The following LINGO2 variants were observed in gnomAD, a reference collection of about 807,000 sequenced individuals.
The protein encoded by LINGO2 is leucine rich repeat and Ig domain containing 2.
Under a neutral mutation model 30.6 loss-of-function variants are expected in LINGO2, and 14 were observed. The ratio of observed to expected loss-of-function variants is 0.46; its 90% CI spans 0.30 to 0.72. The LOEUF (loss-of-function observed/expected upper bound fraction) is 0.72, where lower values mean the gene tolerates loss of function less well. Ranked by LOEUF, LINGO2 falls within the 30% of genes least tolerant of loss-of-function variation. The pLI, the probability that LINGO2 is intolerant of heterozygous loss-of-function variation, is 0.07. For missense variants in LINGO2, 729 were observed against 751.7 expected (o/e 0.97, Z 0.35); for synonymous variants, 317 against 288.5 (o/e 1.10, Z -1.00).
At chr9:28,791,416 T>C in the LINGO2 span, among the ~76,000 whole-genome samples, 1 of 152,122 alleles carries the variant, frequency 6.6e-6, no homozygotes, top group African/African-American at 2.4e-5. Context: ...TACTGTGATT[T>C]AGACTATGTA....
chr9:28,834,021 CT>C, the LINGO2 span, among the ~76,000 whole-genome samples: 16,571 of 143,430 alleles, frequency 0.12, 984 homozygotes, highest in African/African-American at 0.17. Flanking sequence ...TTTCTTGTTT[CT>C]TTTTTTTTTT....
intron 1 of LINGO2, among the ~76,000 whole-genome samples, chr9:28,598,236 C>T (rs947165613): frequency 6.6e-6 from 1 of 151,978 alleles, no homozygotes; most frequent in Non-Finnish European, 1.5e-5. Flanking sequence ...GAAACAAATA[C>T]TAACAACATC....
At chr9:28,666,846 T>C (rs1828821036) in intron 1 of LINGO2, among the ~76,000 whole-genome samples, 1 of 152,186 alleles carries the variant, frequency 6.6e-6, no homozygotes, top group African/African-American at 2.4e-5. Flanking sequence ...CTAATGCATG[T>C]TTAAGCACAG....
At chr9:27,967,581 T>C (rs1400183044) in intron 5 of LINGO2, among the ~76,000 whole-genome samples, 1 of 152,166 alleles carries the variant, frequency 6.6e-6, no homozygotes, top group African/African-American at 2.4e-5. Flanking sequence ...CCTAGATTTA[T>C]GCTTCTATTT....
chr9:28,939,756 T>G, the LINGO2 span, among the ~76,000 whole-genome samples: 229 of 152,234 alleles, frequency 1.5e-3, 1 homozygote, highest in East Asian at 0.021. Context: ...AGAAGGTACT[T>G]AAAAAATGTG....
the LINGO2 span, among the ~76,000 whole-genome samples, chr9:28,835,852 C>T: frequency 6.6e-6 from 1 of 152,110 alleles, no homozygotes; most frequent in African/African-American, 2.4e-5. Flanking sequence ...CCTCTACAGT[C>T]CCCATTTTCT....
rs1430739689 is a variant in LINGO2, at chr9:28,258,861, T to C, written c.-87+36347A>G. Among the ~76,000 whole-genome samples the C allele has an allele frequency of 3.3e-5, 5 of 151,774 alleles. No individual in the cohort carries two copies. In the South Asian group the frequency reaches 1.0e-3, roughly 31 times the overall value. ...AGGAATTGCTTTTTCTTCTGAAACC[T>C]GAAAGCCTAGGCAAGCATGGTTCTG... is the stretch of plus-strand genomic sequence containing the variant. On this transcript the variant is annotated intron_variant, in intron 4 of 5. Coordinates refer to ENST00000379992, the Ensembl canonical transcript of LINGO2.
chr9:28,275,416 C>A (rs1384550307), intron 4 of LINGO2, among the ~76,000 whole-genome samples: 1 of 152,006 alleles, frequency 6.6e-6, no homozygotes, highest in East Asian at 1.9e-4. Context: ...CCTAATCACT[C>A]TACCCTCTTC....
chr9:28,952,625 A>G, the LINGO2 span, among the ~76,000 whole-genome samples: 2 of 152,042 alleles, frequency 1.3e-5, no homozygotes. Flanking sequence ...TTCCACCACC[A>G]CAGGAGAAAA....
In LINGO2 at chr9:28,549,470, G is replaced by C. The variant is rs1003944885; in HGVS notation, c.-364-73445C>G. ...GAGCATGTGCTCAGTGGTTTACGTA[G>C]GGTTTAAAGTTAAAAATGGAATTGT... On this transcript the variant is annotated intron_variant, in intron 1 of 5. Transcript: ENST00000379992. 2.0e-5 allele frequency among the ~76,000 whole-genome samples: 3 copies of C among 151,864 alleles called. No homozygotes were observed. The East Asian group carries it at 5.8e-4, about 29-fold the overall frequency.
the LINGO2 span, among the ~76,000 whole-genome samples, chr9:28,804,787 T>C: frequency 6.6e-6 from 1 of 152,118 alleles, no homozygotes; most frequent in Non-Finnish European, 1.5e-5. Context: ...CTGGAACCTC[T>C]TCCAACCAAT....
At chr9:28,550,743 T>C (rs1045352966) in intron 1 of LINGO2, among the ~76,000 whole-genome samples, 3 of 151,744 alleles carry the variant, frequency 2.0e-5, no homozygotes, top group Non-Finnish European at 4.4e-5. Context: ...CAGTGAAAAA[T>C]AGATGAACTA....
At chr9:28,417,732 A>G (rs1005110526) in intron 2 of LINGO2, among the ~76,000 whole-genome samples, 7 of 152,170 alleles carry the variant, frequency 4.6e-5, no homozygotes, top group Non-Finnish European at 1.5e-5. Context: ...TCTGTGTACC[A>G]TGTATAACTT....
chr9:28,525,453 A>G (rs963353817), intron 1 of LINGO2, among the ~76,000 whole-genome samples: 3 of 152,208 alleles, frequency 2.0e-5, no homozygotes, highest in Non-Finnish European at 4.4e-5. Flanking sequence ...AAAATATGGT[A>G]TACCTATATA....
intron 2 of LINGO2, among the ~76,000 whole-genome samples, chr9:28,431,620 T>A (rs1272207608): frequency 6.6e-6 from 1 of 152,146 alleles, no homozygotes; most frequent in East Asian, 1.9e-4. Flanking sequence ...CTGGAAAGAA[T>A]CACTAAAGTT....
At chr9:28,603,787 T>C (rs1825589621) in intron 1 of LINGO2, among the ~76,000 whole-genome samples, 1 of 152,038 alleles carries the variant, frequency 6.6e-6, no homozygotes, top group Non-Finnish European at 1.5e-5. Context: ...GAATTTATTC[T>C]TTGGCATAGT....
intron 3 of LINGO2, among the ~76,000 whole-genome samples, chr9:28,297,402 C>T (rs958100462): frequency 1.3e-5 from 2 of 152,008 alleles, no homozygotes; most frequent in Admixed American, 6.6e-5. Flanking sequence ...ATTTGAGCAC[C>T]TCTGTTGTGC....
At chr9:28,022,671 C>G (rs1823189907) in intron 4 of LINGO2, among the ~76,000 whole-genome samples, 1 of 151,782 alleles carries the variant, frequency 6.6e-6, no homozygotes, top group Non-Finnish European at 1.5e-5. Flanking sequence ...TCCTTCCTTT[C>G]CTTCATTTTG....
chr9:29,059,580 T>A, the LINGO2 span, among the ~76,000 whole-genome samples: 1 of 151,724 alleles, frequency 6.6e-6, no homozygotes, highest in East Asian at 1.9e-4. Context: ...GACACAAATA[T>A]ATCATCAATT....
Sources: allele counts gnomAD v4.1 joint callset (sites outside exome capture counted in the v4.1 genomes callset), GRCh38; gene constraint gnomAD v4.1.1; transcripts MANE v1.5; gene names NCBI Gene and HGNC (gene_info 2026-07-23, HGNC 2026-07-21).